TMEM108: variants seen among roughly 807,000 people sequenced by gnomAD.
TMEM108 encodes the protein cancer/testis antigen 124.
TMEM108 carries 12 observed loss-of-function variants against 35.1 expected under a neutral mutation model. The observed-to-expected ratio is 0.34, with a 90% confidence interval of 0.22 to 0.55. The LOEUF (loss-of-function observed/expected upper bound fraction) is 0.55, where lower values mean the gene tolerates loss of function less well. TMEM108 is among the 20% of genes least tolerant of loss of function. The pLI is 0.89. For missense variants in TMEM108, 680 were observed against 753.3 expected (o/e 0.90, Z 1.14); for synonymous variants, 287 against 308.6 (o/e 0.93, Z 0.73).
chr3:133,142,418 G>A (rs1350443614), intron 2 of TMEM108, among the ~76,000 whole-genome samples: 1 of 152,160 alleles, frequency 6.6e-6, no homozygotes, highest in Non-Finnish European at 1.5e-5. Flanking sequence ...GGGGAGATGA[G>A]GAGAGCAGCT....
chr3:133,040,561 G>A (rs779103973), intron 1 of TMEM108, among the ~76,000 whole-genome samples: 1 of 152,026 alleles, frequency 6.6e-6, no homozygotes, highest in Non-Finnish European at 1.5e-5. Context: ...CTGAGGGTGA[G>A]GTAGGTGGCA....
chr3:133,245,955 CT>C (rs368590836), intron 3 of TMEM108, among the ~76,000 whole-genome samples: 177 of 145,518 alleles, frequency 1.2e-3, no homozygotes, highest in African/African-American at 2.7e-3. Context: ...TATTTGCTTT[CT>C]TTTTTTTTTT....
chr3:133,280,339 C>T (rs945877778), intron 3 of TMEM108, among the ~76,000 whole-genome samples: 6 of 152,116 alleles, frequency 3.9e-5, no homozygotes, highest in Admixed American at 1.3e-4. Flanking sequence ...GTCTTACTAC[C>T]CTAGCATTGA....
At chr3:133,049,385 T>C (rs1015353343) in intron 2 of TMEM108, among the ~76,000 whole-genome samples, 17 of 152,322 alleles carry the variant, frequency 1.1e-4, no homozygotes, top group African/African-American at 3.6e-4. Context: ...ATATTGGACA[T>C]TGCAGATAGG....
intron 4 of TMEM108, among the ~76,000 whole-genome samples, chr3:133,381,957 G>C (rs1016824644): frequency 1.3e-5 from 2 of 151,788 alleles, no homozygotes; most frequent in Non-Finnish European, 1.5e-5. Context: ...GCTTCTCCTT[G>C]CTGCTGCCTG....
chr3:133,390,692 G>A (rs949510644), intron 5 of TMEM108, among the ~76,000 whole-genome samples: 1 of 152,086 alleles, frequency 6.6e-6, no homozygotes, highest in African/African-American at 2.4e-5. Flanking sequence ...CTGAGATGTG[G>A]CTGGAGGACA....
At chr3:133,367,316 C>T (rs569612036) in intron 3 of TMEM108, among the ~76,000 whole-genome samples, 2 of 152,294 alleles carry the variant, frequency 1.3e-5, no homozygotes, top group East Asian at 3.9e-4. Flanking sequence ...AGAAATTTAA[C>T]ATTAATGATG....
At chr3:133,194,097 C>A (rs889761301) in intron 2 of TMEM108, among the ~76,000 whole-genome samples, 1 of 151,818 alleles carries the variant, frequency 6.6e-6, no homozygotes. Context: ...CCATCACACC[C>A]GGCTAATTTT....
At chr3:133,114,714 A>G (rs1202188664) in intron 2 of TMEM108, among the ~76,000 whole-genome samples, 1 of 152,174 alleles carries the variant, frequency 6.6e-6, no homozygotes, top group Non-Finnish European at 1.5e-5. Context: ...TTTGGTCAAT[A>G]TCCTCTCTTC....
chr3:133,296,564 G>A (rs1010935801), intron 3 of TMEM108, among the ~76,000 whole-genome samples: 7 of 151,778 alleles, frequency 4.6e-5, no homozygotes, highest in African/African-American at 1.5e-4. Flanking sequence ...CTAATAAAAA[G>A]CAGTAGTCTG....
chr3:133,115,856 T>G (rs560931713), intron 2 of TMEM108, among the ~76,000 whole-genome samples: 1 of 152,364 alleles, frequency 6.6e-6, no homozygotes, highest in Non-Finnish European at 1.5e-5. Flanking sequence ...CACTTTTGAC[T>G]GTAGAGTCAC....
intron 2 of TMEM108, among the ~76,000 whole-genome samples, chr3:133,151,095 C>T (rs1944793380): frequency 1.3e-5 from 2 of 152,134 alleles, no homozygotes; most frequent in Admixed American, 1.3e-4. Context: ...TGTTTCACCA[C>T]CATTTTTTCC....
chr3:133,134,264 G>T (rs913342326), intron 2 of TMEM108, among the ~76,000 whole-genome samples: 15 of 152,004 alleles, frequency 9.9e-5, no homozygotes, highest in Admixed American at 9.2e-4. Context: ...AGTTTTCAGA[G>T]TTAATATTTC....
rs1354035124 is a variant in TMEM108, at chr3:133,380,612, A to G, written c.901A>G (p.Thr301Ala). ...FTSQGGTPDA[T>A]AASGAPVSPQ... ...CAGCCAAGGAGGGACACCAGATGCC[A>G]CAGCAGCCTCAGGTGCCCCTGTCAG... Residue 301 changes from threonine to alanine, a missense_variant, in exon 4 of 6, where the codon ACA becomes GCA. Coordinates refer to ENST00000321871, the MANE Select transcript of TMEM108 (RefSeq NM_023943.4). The surrounding 1 kb of genome is among the most constrained non-coding windows in gnomAD (Gnocchi z 5.3). The G allele has an allele frequency of 1.2e-6, 2 of 1,613,358 alleles. No individual in the cohort carries two copies. The highest frequency in any genetic ancestry group is 1.7e-6 in the Non-Finnish European group (2 of 1,179,696).
intron 3 of TMEM108, among the ~76,000 whole-genome samples, chr3:133,336,260 G>T (rs773793890): frequency 6.6e-6 from 1 of 152,072 alleles, no homozygotes; most frequent in Non-Finnish European, 1.5e-5. Context: ...CAACCTAAGG[G>T]TTGGAGATTT....
At chr3:133,382,117 C>T (rs1255075338) in intron 4 of TMEM108, among the ~76,000 whole-genome samples, 3 of 152,152 alleles carry the variant, frequency 2.0e-5, no homozygotes, top group Admixed American at 1.3e-4. Context: ...TCTCTGATAG[C>T]CTTGCAGGAA....
At chr3:133,222,995 A>T (rs1349862624) in intron 2 of TMEM108, among the ~76,000 whole-genome samples, 5 of 151,766 alleles carry the variant, frequency 3.3e-5, no homozygotes, top group Admixed American at 2.0e-4. Flanking sequence ...TAATTTTTAA[A>T]TTTTTTTTGT....
chr3:133,220,135 T>C (rs7644980), intron 2 of TMEM108, among the ~76,000 whole-genome samples: 59,603 of 150,544 alleles, frequency 0.4, 12,109 homozygotes, highest in South Asian at 0.51. Flanking sequence ...CCGATAAAAG[T>C]ATAGTTACCC....
chr3:133,044,356 C>T (rs1396756708), intron 1 of TMEM108, among the ~76,000 whole-genome samples: 1 of 152,116 alleles, frequency 6.6e-6, no homozygotes, highest in Non-Finnish European at 1.5e-5. Context: ...TTCCAAAATC[C>T]TGTGACTCTA....
Sources: allele counts gnomAD v4.1 joint callset (sites outside exome capture counted in the v4.1 genomes callset), GRCh38; gene constraint gnomAD v4.1.1; non-coding constraint Gnocchi (gnomAD v3.1); transcripts MANE v1.5; gene names NCBI Gene and HGNC (gene_info 2026-07-23, HGNC 2026-07-21).